NELL1: variants seen among roughly 807,000 people sequenced by gnomAD.
The protein encoded by NELL1 is neural EGFL like 1.
In NELL1, 76 loss-of-function variants were observed where a neutral mutation model predicts 107.4. The observed-to-expected ratio is 0.71, with a 90% CI of 0.59 to 0.86. The LOEUF is 0.86. Ranked by LOEUF, NELL1 falls within the 40% of genes least tolerant of loss-of-function variation. The probability of loss-of-function intolerance (pLI) is 0.00; values close to 1 mark genes in which losing one functional copy is unlikely to be tolerated. For missense variants in NELL1, 1,024 were observed against 1,005.5 expected (o/e 1.02, Z -0.25); for synonymous variants, 353 against 341.2 (o/e 1.03, Z -0.38).
At chr11:21,421,661 G>A (rs987700472) in intron 15 of NELL1, among the ~76,000 whole-genome samples, 1 of 147,018 alleles carries the variant, frequency 6.8e-6, no homozygotes, top group East Asian at 2.0e-4. Flanking sequence ...GAGATTTAAA[G>A]AGCCAGCTTT....
At chr11:20,871,825 C>G (rs537834938) in intron 4 of NELL1, among the ~76,000 whole-genome samples, 1 of 151,840 alleles carries the variant, frequency 6.6e-6, no homozygotes, top group Non-Finnish European at 1.5e-5. Flanking sequence ...CAAAACCATC[C>G]TGGCTAACAT....
At chr11:21,362,730 T>C (rs913864696) in intron 14 of NELL1, among the ~76,000 whole-genome samples, 1 of 149,534 alleles carries the variant, frequency 6.7e-6, no homozygotes, top group African/African-American at 2.5e-5. Flanking sequence ...GGCAAAGGGA[T>C]GGGCCATAAA....
At chr11:21,161,736 A>G (rs1856375197) in intron 13 of NELL1, among the ~76,000 whole-genome samples, 1 of 151,970 alleles carries the variant, frequency 6.6e-6, no homozygotes. Context: ...CCTAAATATC[A>G]TTTCAACTTT....
rs568615296 is a variant in NELL1, at chr11:21,094,606, T to A, written c.1301-18983T>A. Among the ~76,000 whole-genome samples, 3 of 152,314 alleles carry A rather than the reference T, an allele frequency of 2.0e-5. No individual in the cohort carries two copies. The East Asian group carries it at 5.8e-4, about 29-fold the overall frequency. On this transcript the variant is annotated intron_variant, in intron 12 of 19. Coordinates refer to ENST00000357134, the MANE Select transcript of NELL1 (RefSeq NM_006157.5). ...AGGCATTTCCATACATCTTATGAAA[T>A]CTAGGTGGAGTTTCCCAAACCTCAA...
At chr11:21,195,947 C>T (rs1217091166) in intron 13 of NELL1, among the ~76,000 whole-genome samples, 1 of 152,206 alleles carries the variant, frequency 6.6e-6, no homozygotes, top group Non-Finnish European at 1.5e-5. Context: ...TATTACCTCC[C>T]ACCTTGGATT....
intron 13 of NELL1, among the ~76,000 whole-genome samples, chr11:21,175,301 A>G (rs1171617017): frequency 6.6e-6 from 1 of 151,808 alleles, no homozygotes; most frequent in Non-Finnish European, 1.5e-5. Context: ...TTTCAATTCT[A>G]ACCATTCTTC....
intron 14 of NELL1, among the ~76,000 whole-genome samples, chr11:21,278,675 G>A (rs1321904806): frequency 1.3e-5 from 2 of 152,096 alleles, no homozygotes; most frequent in Admixed American, 1.3e-4. Context: ...TTTATGGATA[G>A]GAAGACTCAA....
At chr11:20,940,179 C>G (rs576330241) in intron 10 of NELL1, among the ~76,000 whole-genome samples, 15 of 152,074 alleles carry the variant, frequency 9.9e-5, no homozygotes, top group African/African-American at 3.4e-4. Context: ...CTCCCTTCCT[C>G]CCTCCCTCCG....
intron 13 of NELL1, among the ~76,000 whole-genome samples, chr11:21,226,793 C>G (rs535177375): frequency 6.6e-6 from 1 of 152,160 alleles, no homozygotes; most frequent in South Asian, 2.1e-4. Context: ...AATTCATGGT[C>G]TAGAGAAAAA....
chr11:21,426,505 G>T (rs764023255), intron 15 of NELL1, among the ~76,000 whole-genome samples: 2 of 152,194 alleles, frequency 1.3e-5, no homozygotes, highest in Non-Finnish European at 2.9e-5. Flanking sequence ...AAATATTCTT[G>T]AGGAGACATA....
Position 21,575,172 on chromosome 11 carries a change from A to C in NELL1, c.*150A>C, listed in dbSNP as rs1444007242. 2 of 717,064 alleles carry C rather than the reference A, an allele frequency of 2.8e-6. No individual in the cohort carries two copies. Among genetic ancestry groups the C allele is most frequent in the East Asian group, 2.7e-5 (1 of 36,586 alleles). The allele number at this position is 717,064 out of a possible 1,614,324, so 44.4% of individuals were successfully genotyped here. A position where few individuals can be genotyped will look rare whatever the true frequency, so the allele number is the denominator to read the frequency against. On this transcript the variant is annotated 3_prime_UTR_variant, in exon 20 of 20. Coordinates refer to ENST00000357134, the MANE Select transcript of NELL1 (RefSeq NM_006157.5). Reference sequence around the variant, plus strand: ...GTTTCCACCTGAGGACGGTGTTTGGAGGTTGCCTTTTGGACCTACCACTTT... The same window carrying C: ...GTTTCCACCTGAGGACGGTGTTTGGCGGTTGCCTTTTGGACCTACCACTTT...
At chr11:21,052,998 T>C in intron 12 of NELL1, among the ~76,000 whole-genome samples, 1 of 149,382 alleles carries the variant, frequency 6.7e-6, no homozygotes, top group East Asian at 1.9e-4. Context: ...ATAGACACTC[T>C]GTGTTTGATA....
intron 15 of NELL1, among the ~76,000 whole-genome samples, chr11:21,460,971 A>G (rs1434946253): frequency 2.6e-5 from 4 of 152,128 alleles, no homozygotes; most frequent in Non-Finnish European, 5.9e-5. Context: ...GAAATGTGAG[A>G]TCAATATCTG....
At chr11:21,457,996 T>C (rs149269095) in intron 15 of NELL1, among the ~76,000 whole-genome samples, 2 of 145,092 alleles carry the variant, frequency 1.4e-5, no homozygotes, top group Non-Finnish European at 3.1e-5. Context: ...AAAAGACTAA[T>C]TGAGATGACA....
At chr11:21,254,591 C>G (rs536475616) in intron 14 of NELL1, among the ~76,000 whole-genome samples, 8 of 152,074 alleles carry the variant, frequency 5.3e-5, no homozygotes, top group African/African-American at 1.7e-4. Context: ...ATCTGTGGAA[C>G]TGCCTGGAAA....
At chr11:21,169,650 G>A in intron 13 of NELL1, 6 of 452,982 alleles carry the variant, frequency 1.3e-5, no homozygotes, top group Non-Finnish European at 1.9e-5. Flanking sequence ...AGTATGTTTA[G>A]GCAAACCCCT....
In NELL1 at chr11:20,747,637, A is replaced by G. The variant is rs76648477; in HGVS notation, c.185-36043A>G. On this transcript the variant is annotated intron_variant, in intron 2 of 19. Transcript: ENST00000357134. ...CACCTAGTCACTTCCTAAAGGCCCCACCTCTCAATATGTCAATCTTGGAAA... is the reference window on the plus strand; with the variant it reads ...CACCTAGTCACTTCCTAAAGGCCCCGCCTCTCAATATGTCAATCTTGGAAA... 3.9e-3 allele frequency among the ~76,000 whole-genome samples: 596 copies of G among 152,288 alleles called. 1 individual carries two copies. The highest frequency in any genetic ancestry group is 0.014 in the African/African-American group (566 of 41,554).
intron 12 of NELL1, among the ~76,000 whole-genome samples, chr11:20,966,335 T>C (rs1032046133): frequency 2.6e-5 from 4 of 152,114 alleles, no homozygotes; most frequent in African/African-American, 7.2e-5. Context: ...CATGTCCTAA[T>C]CACCTCTTAA....
intron 2 of NELL1, among the ~76,000 whole-genome samples, chr11:20,743,900 G>A (rs1019837837): frequency 2.6e-5 from 4 of 152,078 alleles, no homozygotes; most frequent in Non-Finnish European, 5.9e-5. Context: ...CACCACTCTG[G>A]ACATCTTCTT....
Sources: gnomAD v4.1 joint callset for allele counts (sites outside exome capture counted in the v4.1 genomes callset) on GRCh38, gnomAD v4.1.1 for gene constraint, MANE v1.5 for transcripts, NCBI Gene and HGNC (gene_info 2026-07-23, HGNC 2026-07-21) for gene names.